Variants in NADK2 observed in about 807,000 individuals in gnomAD.
The protein encoded by NADK2 is NAD kinase 2, mitochondrial.
Under a neutral mutation model 62.1 loss-of-function variants are expected in NADK2, and 35 were observed. That is an observed-to-expected ratio of 0.56 (90% CI 0.43 to 0.75). The LOEUF (loss-of-function observed/expected upper bound fraction) is 0.75. Ranked by LOEUF, NADK2 falls within the 30% of genes least tolerant of loss-of-function variation. NADK2 has a pLI of 0.00. For missense variants in NADK2, 439 were observed against 561.3 expected (o/e 0.78, Z 2.20); for synonymous variants, 205 against 207.9 (o/e 0.99, Z 0.12).
At chr5:36,202,412 T>C (rs189478834) in intron 8 of NADK2, among the ~76,000 whole-genome samples, 171 of 152,208 alleles carry the variant, frequency 1.1e-3, no homozygotes, top group African/African-American at 3.9e-3. Flanking sequence ...GGCTCTGTAG[T>C]ATTTCTCCCA....
At chr5:36,200,009 T>G (rs754119268) in intron 10 of NADK2, among the ~76,000 whole-genome samples, 16 of 152,062 alleles carry the variant, frequency 1.1e-4, no homozygotes, top group Non-Finnish European at 1.9e-4. Context: ...GCAGTTATAC[T>G]GCTTTGACTT....
At chr5:36,227,748 C>A (rs965888369) in intron 1 of NADK2, among the ~76,000 whole-genome samples, 183 bp from the exon 2 acceptor site, 7 of 151,932 alleles carry the variant, frequency 4.6e-5, no homozygotes, top group African/African-American at 1.7e-4. Context: ...TATAATTTGG[C>A]TTTAATACCA....
chr5:36,214,823 C>T (rs1469738753), intron 6 of NADK2, among the ~76,000 whole-genome samples: 1 of 152,248 alleles, frequency 6.6e-6, no homozygotes, highest in South Asian at 2.1e-4. Context: ...GCCTTGGTTG[C>T]CTGAAAACTC....
intron 7 of NADK2, among the ~76,000 whole-genome samples, chr5:36,210,390 T>C (rs1746797069): frequency 6.6e-6 from 1 of 152,196 alleles, no homozygotes; most frequent in African/African-American, 2.4e-5. Flanking sequence ...ACACACATTT[T>C]TACACTCCTA....
At chr5:36,228,795 T>TA (rs1747593244) in intron 1 of NADK2, among the ~76,000 whole-genome samples, 1 of 137,152 alleles carries the variant, frequency 7.3e-6, no homozygotes, top group South Asian at 2.4e-4. Flanking sequence ...ATTTATTTTA[T>TA]TTTTTTTTTT....
At chr5:36,226,148 T>C (rs1464945508) in intron 3 of NADK2, among the ~76,000 whole-genome samples, 2 of 152,194 alleles carry the variant, frequency 1.3e-5, no homozygotes, top group African/African-American at 4.8e-5. Flanking sequence ...GGAATAGAAT[T>C]TACCTCATCT....
chr5:36,223,892 T>C (rs947945416), intron 4 of NADK2, among the ~76,000 whole-genome samples: 5 of 152,102 alleles, frequency 3.3e-5, no homozygotes, highest in African/African-American at 9.7e-5. Flanking sequence ...CAAGTCTTTT[T>C]AGGCTAAAAG....
At chr5:36,226,070 A>T (rs1462110493) in intron 3 of NADK2, among the ~76,000 whole-genome samples, 1 of 152,222 alleles carries the variant, frequency 6.6e-6, no homozygotes, top group Non-Finnish European at 1.5e-5. Flanking sequence ...AAAGCTTTAG[A>T]AACAGTAGCC....
chr5:36,201,308 G>A (rs1579598394), intron 8 of NADK2, 147 bp from the exon 9 acceptor site: 1 of 663,500 alleles, frequency 1.5e-6, no homozygotes, highest in African/African-American at 1.8e-5. Flanking sequence ...TAAATAATGT[G>A]CTAGTATGGG....
chr5:36,225,240 T>TA (rs1191494514), intron 4 of NADK2, among the ~76,000 whole-genome samples: 12 of 152,190 alleles, frequency 7.9e-5, no homozygotes, highest in Admixed American at 6.5e-4. Context: ...AAGACAATCC[T>TA]ACTCAGTTCT....
At chr5:36,196,023 G>A (rs1746219034) in intron 11 of NADK2, among the ~76,000 whole-genome samples, 1 of 152,120 alleles carries the variant, frequency 6.6e-6, no homozygotes, top group Non-Finnish European at 1.5e-5. Context: ...TCTGTTATAT[G>A]AAAACACCAA....
Position 36,241,082 on chromosome 5 carries a change from G to A in NADK2, c.300+417C>T, listed in dbSNP as rs1212366635. The stretch of plus-strand genomic sequence containing the variant: ...CCCCTTTCTCGCGGCGGCCAGGGGA[G>A]CTGTTCGCAGGGCGTCCAGACCTCA... On this transcript the variant is annotated intron_variant, in intron 1 of 11. Coordinates refer to ENST00000381937, the MANE Select transcript of NADK2 (RefSeq NM_001085411.3). The surrounding 1 kb of genome is among the most constrained non-coding windows in gnomAD (Gnocchi z 4.9). Among the ~76,000 whole-genome samples the A allele has an allele frequency of 2.0e-5, 3 of 152,042 alleles. No individual in the cohort carries two copies. The highest frequency in any genetic ancestry group is 1.9e-4 in the East Asian group (1 of 5,170).
rs559597222 is a variant in NADK2 at position 36,235,246 on chromosome 5, A to G, written c.300+6253T>C. ...TACGCAAGCAGAGTTAAAAATCAAC[A>G]TATTTTTAGTTCACTTAAGTGATCT... On this transcript the variant is annotated intron_variant, in intron 1 of 11. Transcript: ENST00000381937. 5.3e-5 allele frequency among the ~76,000 whole-genome samples: 8 copies of G among 152,266 alleles called. No individual in the cohort carries two copies. The East Asian group carries it at 1.5e-3, about 29-fold the overall frequency.
At position 36,241,410 on chromosome 5, in the gene NADK2, T is replaced by C. The variant is rs1748114671; in HGVS notation, c.300+89A>G. 3 of 1,395,376 alleles carry C rather than the reference T, an allele frequency of 2.1e-6. No homozygotes were observed. In the South Asian group the frequency reaches 4.4e-5, roughly 21 times the overall value. 86.4% of individuals were successfully genotyped at this position (1,395,376 alleles called of 1,614,324 possible). A position where few individuals can be genotyped will look rare whatever the true frequency, so the allele number is the denominator to read the frequency against. On this transcript the variant is annotated intron_variant, in intron 1 of 11. Transcript: ENST00000381937. This position sits in a 1 kb window ranked among gnomAD's most constrained non-coding sequence, Gnocchi z 4.9. ...GGCATCTGCGGTGCCCTGGGAAGAG[T>C]CGTCCCGAGAGGTCCCCCCGAGGGG...
intron 11 of NADK2, 101 bp downstream of exon 11, chr5:36,197,440 G>A: frequency 6.7e-7 from 1 of 1,492,320 alleles, no homozygotes; most frequent in East Asian, 2.3e-5. Context: ...GATTAAGTTT[G>A]AATGAGCAAA....
chr5:36,226,319 T>C (rs1304033318), intron 3 of NADK2, among the ~76,000 whole-genome samples, 156 bp downstream of exon 3: 1 of 152,198 alleles, frequency 6.6e-6, no homozygotes, highest in Non-Finnish European at 1.5e-5. Context: ...TAGCCTTGTA[T>C]AAAACAGAAG....
rs192882317 is a variant in NADK2, at chr5:36,196,386, G to C, written c.1191-1104C>G. On this transcript the variant is annotated intron_variant, in intron 11 of 11. Transcript: ENST00000381937. ...TTAGCATTTCCCAGATGAATAATAA[G>C]GTCAATCATGTTTTTTGTGTTTATT... Among the ~76,000 whole-genome samples the C allele has an allele frequency of 5.2e-3, 784 of 152,228 alleles. 9 individuals carry two copies. The highest frequency in any genetic ancestry group is 6.8e-3 in the Middle Eastern group (2 of 294).
At chr5:36,220,665 T>TC (rs1156264815) in intron 4 of NADK2, among the ~76,000 whole-genome samples, 1 of 152,226 alleles carries the variant, frequency 6.6e-6, no homozygotes, top group Non-Finnish European at 1.5e-5. Context: ...ATAAAAGGTA[T>TC]CAACAGTCAT....
At chr5:36,208,653 T>C in intron 7 of NADK2, 1 of 1,533,962 alleles carries the variant, frequency 6.5e-7, no homozygotes, top group Non-Finnish European at 8.7e-7. Flanking sequence ...ATACTTCTTC[T>C]TAAATTGTCC....
Sources: gnomAD v4.1 joint callset for allele counts (sites outside exome capture counted in the v4.1 genomes callset) on GRCh38, gnomAD v4.1.1 for gene constraint, Gnocchi (gnomAD v3.1) non-coding constraint, MANE v1.5 for transcripts, NCBI Gene and HGNC (gene_info 2026-07-23, HGNC 2026-07-21) for gene names.